Variants in EPHB6 observed in about 807,000 individuals in gnomAD.
EPHB6 encodes ephrin type-B receptor 6.
EPHB6 carries 51 observed loss-of-function variants against 107.0 expected under a neutral mutation model. The observed-to-expected ratio is 0.48, with a 90% CI of 0.38 to 0.60. The LOEUF is 0.60. Among genes scored for constraint, EPHB6 ranks in the 20% least tolerant of loss-of-function variants. EPHB6 has a pLI of 0.00. For synonymous variants in EPHB6, 553 were observed against 549.0 expected, an observed-to-expected ratio of 1.01 and a Z score of -0.10; for missense variants, 1,141 against 1,355.5, an observed-to-expected ratio of 0.84 and a Z score of 2.48.
At chr7:142,865,744 A>G (rs1803124192) in intron 8 of EPHB6, 114 bp downstream of exon 8, 4 of 1,460,798 alleles carry the variant, frequency 2.7e-6, no homozygotes, top group African/African-American at 1.4e-5. Context: ...TTTTTCCCCT[A>G]TTTTCTTGGC....
chr7:142,865,972 C>A lies in EPHB6; in HGVS notation c.1118C>A (p.Ala373Asp). The A allele has an allele frequency of 6.2e-7, 1 of 1,613,978 alleles. No homozygotes were observed. Among genetic ancestry groups the A allele is most frequent in the Non-Finnish European group, 8.5e-7 (1 of 1,180,040 alleles). ...PEAPCTGPPS[A>D]PQELWFEVQG... Reference sequence around the variant, plus strand: ...TCCGGCCCCCCAGGTCCTCCATCGGCTCCCCAGGAGCTTTGGTTTGAGGTG... The same window carrying A: ...TCCGGCCCCCCAGGTCCTCCATCGGATCCCCAGGAGCTTTGGTTTGAGGTG... Residue 373 changes from alanine to aspartate, a missense_variant, in exon 9 of 20, where the codon GCT (alanine) becomes GAT (aspartate). Transcript: ENST00000652003.
chr7:142,868,939 A>G lies in EPHB6; in HGVS notation c.2287-35A>G. ...ATGTTGAGGTCTCCCCCTGTCTCCG[A>G]TCACTGACCTCTGCCCCCTGCCCCT... On this transcript the variant is annotated intron_variant, in intron 15 of 19. Transcript: ENST00000652003. This position sits in a 1 kb window ranked among gnomAD's most constrained non-coding sequence, Gnocchi z 4.2. 6.2e-7 allele frequency: 1 copy of G among 1,601,430 alleles called. No individual in the cohort carries two copies. Among genetic ancestry groups the G allele is most frequent in the Non-Finnish European group, 8.5e-7 (1 of 1,178,184 alleles).
intron 1 of EPHB6, among the ~76,000 whole-genome samples, chr7:142,857,078 T>TC (rs1554519190): frequency 5.9e-5 from 9 of 152,284 alleles, no homozygotes; most frequent in Non-Finnish European, 1.3e-4. Context: ...GCCACGCATG[T>TC]CCCCGGTCAG....
chr7:142,868,722 C>T lies in EPHB6; in HGVS notation c.2269C>T (p.Leu757=), dbSNP rs8177160. The T allele has an allele frequency of 5.3e-4, 848 of 1,613,946 alleles. 5 individuals carry two copies. The African/African-American group carries it at 8.8e-3, about 17-fold the overall frequency. Reference sequence around the variant, plus strand: ...GACGGAGTTCATGGAGCTTGGCCCCCTGGACAGCTTCCTCAGGGTCAGTCC... The same window carrying T: ...GACGGAGTTCATGGAGCTTGGCCCCTTGGACAGCTTCCTCAGGGTCAGTCC... ...VLTEFMELGP[L]DSFLRQREGQ... Residue 757 remains leucine (L), a synonymous_variant, in exon 15 of 20, where the codon CTG becomes TTG. Coordinates refer to ENST00000652003, the MANE Select transcript of EPHB6 (RefSeq NM_004445.6). The surrounding 1 kb of genome is among the most constrained non-coding windows in gnomAD (Gnocchi z 4.2).
Position 142,868,177 on chromosome 7 carries a change from T to C in EPHB6, c.1919-64T>C. 1 of 1,614,008 alleles carries C rather than the reference T, an allele frequency of 6.2e-7. No individual in the cohort carries two copies. The highest frequency in any genetic ancestry group is 8.5e-7 in the Non-Finnish European group (1 of 1,179,968). ...AACCTTCTGGAGGTAAGTGGGCATGTCTGGGGTGCGCGGGCAGCCCTGCCT... is the reference window on the plus strand; with the variant it reads ...AACCTTCTGGAGGTAAGTGGGCATGCCTGGGGTGCGCGGGCAGCCCTGCCT... On this transcript the variant is annotated intron_variant, in intron 13 of 19. Transcript: ENST00000652003. This position sits in a 1 kb window ranked among gnomAD's most constrained non-coding sequence, Gnocchi z 4.2.
At chr7:142,856,855 G>A (rs1264763486) in intron 1 of EPHB6, among the ~76,000 whole-genome samples, 1 of 151,634 alleles carries the variant, frequency 6.6e-6, no homozygotes, top group African/African-American at 2.4e-5. Flanking sequence ...GAAAGCAACA[G>A]CCCCCATCTA....
Position 142,867,892 on chromosome 7 carries a change from GT to G in EPHB6, c.1866-104del. On this transcript the variant is annotated intron_variant, in intron 12 of 19. Transcript: ENST00000652003. The surrounding 1 kb of genome is among the most constrained non-coding windows in gnomAD (Gnocchi z 5.3). ...AGATGGGCAGGAGGGCCAGGCTGTC[GT>G]CCCCCCTCCACAGACCGACTAAAGA... 6.6e-7 allele frequency: 1 copy of G among 1,511,940 alleles called. No homozygotes were observed. The highest frequency in any genetic ancestry group is 9.0e-7 in the Non-Finnish European group (1 of 1,113,558). The allele number at this position is 1,511,940 out of a possible 1,614,324, so 93.7% of individuals were successfully genotyped here. A position where few individuals can be genotyped will look rare whatever the true frequency, so the allele number is the denominator to read the frequency against.
In EPHB6 at chr7:142,865,964, T is replaced by C. The variant is rs1460038746; in HGVS notation, c.1110T>C (p.Pro370=). ...SDPPEAPCTG[P]PSAPQELWFE... Reference sequence around the variant, plus strand: ...CCATATCCTCCGGCCCCCCAGGTCCTCCATCGGCTCCCCAGGAGCTTTGGT... The same window carrying C: ...CCATATCCTCCGGCCCCCCAGGTCCCCCATCGGCTCCCCAGGAGCTTTGGT... The change falls in exon 9 of 20, where the codon CCT becomes CCC. Residue 370 remains proline, a synonymous_variant. Coordinates refer to ENST00000652003, the MANE Select transcript of EPHB6 (RefSeq NM_004445.6). The C allele has an allele frequency of 6.2e-7, 1 of 1,613,796 alleles. No individual in the cohort carries two copies.
In EPHB6 at chr7:142,855,602, C is replaced by T. The variant is rs555069965; in HGVS notation, c.-432+217C>T. Among the ~76,000 whole-genome samples, 10 of 152,266 alleles carry T rather than the reference C, an allele frequency of 6.6e-5. No individual in the cohort carries two copies. Among genetic ancestry groups the T allele is most frequent in the Non-Finnish European group, 1.5e-4 (10 of 68,010 alleles). On this transcript the variant is annotated intron_variant, in intron 1 of 19. Coordinates refer to ENST00000652003, the MANE Select transcript of EPHB6 (RefSeq NM_004445.6). This position sits in a 1 kb window ranked among gnomAD's most constrained non-coding sequence, Gnocchi z 4.2. ...CCCCTCTCACTCCACTCTGACCTGG[C>T]ATCATTGACACCGCATTACCCTTGC...
chr7:142,858,163 C>A (rs972163014), intron 1 of EPHB6, among the ~76,000 whole-genome samples: 1 of 151,976 alleles, frequency 6.6e-6, no homozygotes, highest in Non-Finnish European at 1.5e-5. Context: ...AAAATTAATG[C>A]CCCCACCTAC....
Position 142,869,294 on chromosome 7 carries a change from G to A in EPHB6, c.2460+147G>A. Reference sequence around the variant, plus strand: ...AGGAGGGAGGCTCTCCTGTGTGATGGGGAGATGAAAGCCTAGGCGACGGGG... The same window carrying A: ...AGGAGGGAGGCTCTCCTGTGTGATGAGGAGATGAAAGCCTAGGCGACGGGG... On this transcript the variant is annotated intron_variant, in intron 16 of 19. Coordinates refer to ENST00000652003, the MANE Select transcript of EPHB6 (RefSeq NM_004445.6). The surrounding 1 kb of genome is among the most constrained non-coding windows in gnomAD (Gnocchi z 4.5). 1.1e-6 allele frequency: 1 copy of A among 950,128 alleles called. No individual in the cohort carries two copies. The highest frequency in any genetic ancestry group is 1.6e-6 in the Non-Finnish European group (1 of 639,380). The allele number at this position is 950,128 out of a possible 1,614,324, so 58.9% of individuals were successfully genotyped here. A position where few individuals can be genotyped will look rare whatever the true frequency, so the allele number is the denominator to read the frequency against.
At position 142,866,445 on chromosome 7, in the gene EPHB6, T is replaced by A. The variant is rs1794600880; in HGVS notation, c.1463-36T>A. ...CAAGGCTGATCCTGCTCCCAGGGAC[T>A]CCTATCCCCATAATAATTTTCCTTT... is the stretch of plus-strand genomic sequence containing the variant. On this transcript the variant is annotated intron_variant, in intron 9 of 19. Coordinates refer to ENST00000652003, the MANE Select transcript of EPHB6 (RefSeq NM_004445.6). The surrounding 1 kb of genome is among the most constrained non-coding windows in gnomAD (Gnocchi z 5.2). The A allele has an allele frequency of 6.2e-7, 1 of 1,613,724 alleles. No individual in the cohort carries two copies.
intron 6 of EPHB6, 65 bp downstream of exon 6, chr7:142,863,760 T>C (rs1253700531): frequency 6.4e-7 from 1 of 1,567,988 alleles, no homozygotes; most frequent in African/African-American, 1.4e-5. Flanking sequence ...CCCTGGAGAG[T>C]GGAATTCATG....
At chr7:142,864,789 AC>A in intron 7 of EPHB6, 40 bp downstream of exon 7, 1 of 1,606,118 alleles carries the variant, frequency 6.2e-7, no homozygotes, top group Non-Finnish European at 8.5e-7. Flanking sequence ...GACACCTCCC[AC>A]CCACCCCCAG....
At position 142,868,188 on chromosome 7, in the gene EPHB6, C is replaced by A. The variant is rs375852244; in HGVS notation, c.1919-53C>A. ...GGTAAGTGGGCATGTCTGGGGTGCG[C>A]GGGCAGCCCTGCCTTTCACAACACG... On this transcript the variant is annotated intron_variant, in intron 13 of 19. Transcript: ENST00000652003. The surrounding 1 kb of genome is among the most constrained non-coding windows in gnomAD (Gnocchi z 4.2). 284 of 1,614,066 alleles carry A rather than the reference C, an allele frequency of 1.8e-4. No homozygotes were observed. In the African/African-American group the frequency reaches 3.3e-3, roughly 19 times the overall value.
chr7:142,866,852 C>A lies in EPHB6; in HGVS notation c.1588-54C>A. The A allele has an allele frequency of 6.2e-7, 1 of 1,613,482 alleles. No homozygotes were observed. Among genetic ancestry groups the A allele is most frequent in the Middle Eastern group, 1.7e-4 (1 of 6,052 alleles). ...GGAGGGTGGCTGGGGGCCTTAGGGGCAGAAGCAGGGGCAAGAGGGGGCCAG... is the reference window on the plus strand; with the variant it reads ...GGAGGGTGGCTGGGGGCCTTAGGGGAAGAAGCAGGGGCAAGAGGGGGCCAG... On this transcript the variant is annotated intron_variant, in intron 10 of 19. Coordinates refer to ENST00000652003, the MANE Select transcript of EPHB6 (RefSeq NM_004445.6). This position sits in a 1 kb window ranked among gnomAD's most constrained non-coding sequence, Gnocchi z 5.2.
At chr7:142,863,473 G>A in intron 5 of EPHB6, 146 bp downstream of exon 5, 10 of 1,182,518 alleles carry the variant, frequency 8.5e-6, no homozygotes, top group Non-Finnish European at 1.1e-5. Context: ...ACCCACATCA[G>A]ATTTGTCAGA....
rs1803048496 is a variant in EPHB6, at chr7:142,864,643, C to T, written c.843C>T (p.Ser281=). 1.2e-6 allele frequency: 2 copies of T among 1,611,566 alleles called. No individual in the cohort carries two copies. The highest frequency in any genetic ancestry group is 1.3e-5 in the African/African-American group (1 of 74,870). ...EDGVGGQAGG[S]PPRLHCNGEG... Reference sequence around the variant, plus strand: ...GAGTAGGGGGCCAGGCAGGAGGCAGCCCCCCCAGGCTGCACTGCAACGGGG... The same window carrying T: ...GAGTAGGGGGCCAGGCAGGAGGCAGTCCCCCCAGGCTGCACTGCAACGGGG... Residue 281 remains serine (S), a synonymous_variant, in exon 7 of 20, where the codon AGC becomes AGT. Coordinates refer to ENST00000652003, the MANE Select transcript of EPHB6 (RefSeq NM_004445.6).
At chr7:142,858,635 ACGGGGTTTCAC>A (rs1802715866) in intron 1 of EPHB6, among the ~76,000 whole-genome samples, 1 of 144,474 alleles carries the variant, frequency 6.9e-6, no homozygotes, top group Non-Finnish European at 1.5e-5. Context: ...TTTAGTAGAA[ACGGGGTTTCAC>A]CGTGTTAGCC....
Sources: allele counts gnomAD v4.1 joint callset (sites outside exome capture counted in the v4.1 genomes callset), GRCh38; gene constraint gnomAD v4.1.1; non-coding constraint Gnocchi (gnomAD v3.1); transcripts MANE v1.5; gene names NCBI Gene and HGNC (gene_info 2026-07-23, HGNC 2026-07-21).